KSR2: variants seen among roughly 807,000 people sequenced by gnomAD.
The protein encoded by KSR2 is kinase suppressor of ras 2.
A neutral mutation model predicts 107.8 loss-of-function variants in KSR2; 25 were observed. The observed-to-expected ratio is 0.23, with a 90% CI of 0.17 to 0.32. The LOEUF is 0.32. Among genes scored for constraint, KSR2 ranks in the 10% least tolerant of loss-of-function variants. KSR2 has a pLI of 1.00. For synonymous variants in KSR2, 480 were observed against 507.0 expected, an observed-to-expected ratio of 0.95 and a Z score of 0.71; for missense variants, 887 against 1,268.9, an observed-to-expected ratio of 0.70 and a Z score of 4.57.
At chr12:117,640,058 C>T (rs1436191592) in intron 5 of KSR2, among the ~76,000 whole-genome samples, 2 of 151,966 alleles carry the variant, frequency 1.3e-5, no homozygotes, top group Non-Finnish European at 2.9e-5. Context: ...CAACATTGCA[C>T]AGCAAGGGGT....
At chr12:117,905,724 T>C (rs901559981) in intron 1 of KSR2, among the ~76,000 whole-genome samples, 1 of 152,134 alleles carries the variant, frequency 6.6e-6, no homozygotes, top group Non-Finnish European at 1.5e-5. Flanking sequence ...AGATCACTGC[T>C]CTGCCTTATG....
chr12:117,607,950 C>T (rs551814904), intron 5 of KSR2, among the ~76,000 whole-genome samples: 1 of 152,276 alleles, frequency 6.6e-6, no homozygotes, highest in African/African-American at 2.4e-5. Context: ...AGGTACCTGC[C>T]GGTCCTCAGC....
intron 5 of KSR2, among the ~76,000 whole-genome samples, chr12:117,589,034 A>G (rs1348883929): frequency 6.6e-6 from 1 of 152,220 alleles, no homozygotes; most frequent in Non-Finnish European, 1.5e-5. Context: ...AATTGTTCAA[A>G]GTCATATAGC....
At chr12:117,644,133 G>C (rs954989853) in intron 5 of KSR2, among the ~76,000 whole-genome samples, 4 of 152,198 alleles carry the variant, frequency 2.6e-5, no homozygotes, top group African/African-American at 9.7e-5. Flanking sequence ...GGGCTGAGCA[G>C]CTGCCTTGGT....
At chr12:117,965,672 C>T (rs1896764728) in intron 1 of KSR2, among the ~76,000 whole-genome samples, 1 of 152,168 alleles carries the variant, frequency 6.6e-6, no homozygotes, top group African/African-American at 2.4e-5. Flanking sequence ...ACATCTTTCT[C>T]CTAATGGTTT....
In KSR2 at chr12:117,453,316, T is replaced by G. The variant is rs909947830; in HGVS notation, c.*13883A>C. On this transcript the variant is annotated 3_prime_UTR_variant, in exon 20 of 20. Coordinates refer to ENST00000339824, the MANE Select transcript of KSR2 (RefSeq NM_173598.6). ...GTGTTCCTTCTCAGCAACAAGACAT[T>G]GGCAACAAGTGAGAAAGAGAGAGAC... is the stretch of plus-strand genomic sequence containing the variant. 2.6e-5 allele frequency: 4 copies of G among 152,428 alleles called. No homozygotes were observed. The highest frequency in any genetic ancestry group is 9.7e-5 in the African/African-American group (4 of 41,386). 9.4% of individuals were successfully genotyped at this position (152,428 alleles called of 1,614,324 possible).
chr12:117,479,481 T>G (rs932874015), intron 16 of KSR2, among the ~76,000 whole-genome samples: 1 of 152,184 alleles, frequency 6.6e-6, no homozygotes, highest in South Asian at 2.1e-4. Context: ...ACGGGGGCTG[T>G]CCTGGGCATT....
At chr12:117,640,953 C>CTT (rs1466843868) in intron 5 of KSR2, among the ~76,000 whole-genome samples, 1 of 152,204 alleles carries the variant, frequency 6.6e-6, no homozygotes, top group Non-Finnish European at 1.5e-5. Context: ...TAGCACGCCA[C>CTT]TTGCTGAGTC....
intron 4 of KSR2, among the ~76,000 whole-genome samples, chr12:117,675,295 C>T (rs1244106060): frequency 9.2e-5 from 14 of 152,162 alleles, no homozygotes; most frequent in Admixed American, 9.2e-4. Context: ...CACCCTAGCC[C>T]ATGTATCCCA....
In KSR2 at chr12:117,818,110, A is replaced by T. The variant is rs1026425728; in HGVS notation, c.472+37318T>A. Among the ~76,000 whole-genome samples the T allele has an allele frequency of 3.4e-3, 289 of 84,156 alleles. 3 individuals carry two copies. Among genetic ancestry groups the T allele is most frequent in the African/African-American group, 0.014 (280 of 19,828 alleles). The allele number at this position is 84,156 out of a possible 152,430, so 55.2% of individuals were successfully genotyped here. A position where few individuals can be genotyped will look rare whatever the true frequency, so the allele number is the denominator to read the frequency against. On this transcript the variant is annotated intron_variant, in intron 3 of 19. Transcript: ENST00000339824. ...AGCGAGACTCTGTTTCAAAAAAATA[A>T]AAAAAAAAAAGTTCCAATGGTTTAT...
intron 4 of KSR2, among the ~76,000 whole-genome samples, chr12:117,712,080 G>A (rs891723907): frequency 6.6e-6 from 1 of 152,204 alleles, no homozygotes; most frequent in Non-Finnish European, 1.5e-5. Context: ...GGGGCTTCAA[G>A]TGAGCTCATG....
chr12:117,731,420 G>T (rs1455664022), intron 4 of KSR2, among the ~76,000 whole-genome samples: 1 of 135,184 alleles, frequency 7.4e-6, no homozygotes, highest in African/African-American at 3.0e-5. Context: ...GGGAGGTGGG[G>T]GGCAGCCCCC....
chr12:117,697,458 T>C (rs1166573566), intron 4 of KSR2, among the ~76,000 whole-genome samples: 2 of 152,200 alleles, frequency 1.3e-5, no homozygotes, highest in Non-Finnish European at 2.9e-5. Context: ...ATAAAAAGCT[T>C]TCTGCCAGGC....
chr12:117,966,468 T>C (rs1479684559), intron 1 of KSR2, among the ~76,000 whole-genome samples: 2 of 152,118 alleles, frequency 1.3e-5, no homozygotes, highest in African/African-American at 2.4e-5. Flanking sequence ...AGGCAATACC[T>C]GTGCCTCCCA....
chr12:117,710,283 G>T (rs1886710705), intron 4 of KSR2, among the ~76,000 whole-genome samples: 1 of 152,120 alleles, frequency 6.6e-6, no homozygotes, highest in Admixed American at 6.5e-5. Flanking sequence ...AAGGCCTCGA[G>T]GGCATCTGGA....
chr12:117,683,111 G>A (rs960668040), intron 4 of KSR2, among the ~76,000 whole-genome samples: 3 of 152,060 alleles, frequency 2.0e-5, no homozygotes, highest in Non-Finnish European at 2.9e-5. Flanking sequence ...TAGATACTTC[G>A]TTACTTTTAG....
intron 3 of KSR2, among the ~76,000 whole-genome samples, chr12:117,849,243 A>C (rs937329796): frequency 3.9e-5 from 6 of 152,122 alleles, no homozygotes; most frequent in African/African-American, 1.4e-4. Context: ...CATAGCACTT[A>C]TTCTCACACA....
intron 3 of KSR2, among the ~76,000 whole-genome samples, chr12:117,828,880 T>C (rs143906397): frequency 1.3e-5 from 2 of 152,330 alleles, no homozygotes; most frequent in East Asian, 1.9e-4. Flanking sequence ...TGGAGAAGTC[T>C]AGTGCTCACA....
intron 1 of KSR2, among the ~76,000 whole-genome samples, chr12:117,958,061 G>A (rs188987842): frequency 6.6e-6 from 1 of 152,244 alleles, no homozygotes; most frequent in Admixed American, 6.5e-5. Context: ...TTGAACTCCT[G>A]GCCTCAAGTG....
Sources: allele counts gnomAD v4.1 joint callset (sites outside exome capture counted in the v4.1 genomes callset), GRCh38; gene constraint gnomAD v4.1.1; transcripts MANE v1.5; gene names NCBI Gene and HGNC (gene_info 2026-07-23, HGNC 2026-07-21).